GOLGA6L2: variants seen among roughly 807,000 people sequenced by gnomAD.
GOLGA6L2 encodes the protein golgin subfamily A member 6-like protein 2.
A neutral mutation model predicts 35.9 loss-of-function variants in GOLGA6L2; 30 were observed. The ratio of observed to expected loss-of-function variants is 0.83; its 90% CI spans 0.62 to 1.13. The LOEUF is 1.13. Among genes scored for constraint, GOLGA6L2 ranks in the 50% most tolerant of loss-of-function variants. The pLI, the probability that GOLGA6L2 is intolerant of heterozygous loss-of-function variation, is 0.00. For missense variants in GOLGA6L2, 821 were observed against 973.4 expected (o/e 0.84, Z 2.08); for synonymous variants, 297 against 344.0 (o/e 0.86, Z 1.51).
Position 23,440,724 on chromosome 15 carries a change from C to T in GOLGA6L2, c.1751G>A (p.Arg584Gln), listed in dbSNP as rs762321417. 5.2e-5 allele frequency: 79 copies of T among 1,510,356 alleles called. No homozygotes were observed. Among genetic ancestry groups the T allele is most frequent in the Admixed American group, 2.7e-4 (13 of 48,926 alleles). 93.6% of individuals were successfully genotyped at this position (1,510,356 alleles called of 1,614,324 possible). A position where few individuals can be genotyped will look rare whatever the true frequency, so the allele number is the denominator to read the frequency against. Reference sequence around the variant, plus strand: ...CTCTCCTCCTTCTCCCGCAGCCTCTCGTCCTGCTCCCACATCCTCTCCTCC... The same window carrying T: ...CTCTCCTCCTTCTCCCGCAGCCTCTTGTCCTGCTCCCACATCCTCTCCTCC... Reference protein sequence around the residue: ...GPGGEDVGAGREAAGEGGENA... With the variant: ...GPGGEDVGAGQEAAGEGGENA... Residue 584 changes from arginine (R) to glutamine (Q), a missense_variant, in exon 8 of 8, where the codon CGA becomes CAA. Around this residue, in one of 7 missense-constraint regions of GOLGA6L2, gnomAD observed 99 missense variants for 199.9 expected, o/e 0.50. Coordinates refer to ENST00000567107, the MANE Select transcript of GOLGA6L2 (RefSeq NM_001304388.2).
At position 23,444,258 on chromosome 15, in the gene GOLGA6L2, T is replaced by A. The variant is rs767031200; in HGVS notation, c.244-46A>T. The A allele has an allele frequency of 1.0e-5, 16 of 1,587,366 alleles. 1 individual carries two copies. The African/African-American group carries it at 1.3e-4, about 13-fold the overall frequency. On this transcript the variant is annotated intron_variant, in intron 3 of 7. Coordinates refer to ENST00000567107, the MANE Select transcript of GOLGA6L2 (RefSeq NM_001304388.2). ...AGCTCTTACTAGGGGGAGGCAGAGA[T>A]CCACAGCAAGAGACATGCCCCCAGA...
intron 5 of GOLGA6L2, 110 bp downstream of exon 5, chr15:23,443,667 C>T: frequency 1.1e-6 from 1 of 906,878 alleles, no homozygotes; most frequent in Non-Finnish European, 1.7e-6. Context: ...AAGAAATGAC[C>T]CATACTATCT....
In GOLGA6L2 at chr15:23,443,897, G is replaced by A; in HGVS notation, c.471C>T (p.Thr157=). Residue 157 remains threonine (T), a synonymous_variant, in exon 5 of 8, where the codon ACC becomes ACT. Coordinates refer to ENST00000567107, the MANE Select transcript of GOLGA6L2 (RefSeq NM_001304388.2). ...CCTTGGACTCTCCTGGAATGAGAGA[G>A]GTTGAGACACAGCCCAAAGGACTCC... The part of the protein sequence containing the change: ...FRGSPLGCVS[T]SLIPGESKDL... 1 of 1,544,208 alleles carries A rather than the reference G, an allele frequency of 6.5e-7. No homozygotes were observed. Among genetic ancestry groups the A allele is most frequent in the Non-Finnish European group, 8.7e-7 (1 of 1,151,320 alleles).
chr15:23,439,459 T>TTTTTTTAATTTTG lies in GOLGA6L2; in HGVS notation c.*285_*286insCAAAATTAAAAAA. The TTTTTTTAATTTTG allele has an allele frequency of 1.6e-6, 1 of 637,128 alleles. No individual in the cohort carries two copies. Among genetic ancestry groups the TTTTTTTAATTTTG allele is most frequent in the Non-Finnish European group, 2.3e-6 (1 of 427,624 alleles). The allele number at this position is 637,128 out of a possible 1,614,324, so 39.5% of individuals were successfully genotyped here. A position where few individuals can be genotyped will look rare whatever the true frequency, so the allele number is the denominator to read the frequency against. On this transcript the variant is annotated 3_prime_UTR_variant, in exon 8 of 8. Transcript: ENST00000567107. Reference sequence around the variant, plus strand: ...TAAATTTTCTTTTCTTTTTTTTTTTTTTTTTCAAGTTTGTGCTCAGACTAT... The same window carrying TTTTTTTAATTTTG: ...TAAATTTTCTTTTCTTTTTTTTTTTTTTTTTTAATTTTGTTTTTCAAGTTTGTGCTCAGACTAT...
At chr15:23,444,875 G>A (rs1190547320) in intron 2 of GOLGA6L2, among the ~76,000 whole-genome samples, 8 of 150,998 alleles carry the variant, frequency 5.3e-5, no homozygotes, top group African/African-American at 1.7e-4. Context: ...GATATAGGAC[G>A]GAAAAGGCAG....
At position 23,444,072 on chromosome 15, in the gene GOLGA6L2, G is replaced by A. The variant is rs1352711724; in HGVS notation, c.296C>T (p.Ala99Val). The change falls in exon 5 of 8, where the codon GCC becomes GTC. Residue 99 changes from alanine (A) to valine (V), a missense_variant and splice_region_variant. This residue lies in a region of GOLGA6L2 where 614 missense variants were observed against 632.3 expected (regional missense o/e 0.97). Transcript: ENST00000567107. ...HQEALRREIE[A>V]QDHTIRILTC... is the part of the protein sequence containing the mutation. ...GAGAATTCGTATTGTATGATCCTGG[G>A]CCTTTGGGAGAAAAGACAAGCAAGT... The A allele has an allele frequency of 5.1e-6, 8 of 1,568,960 alleles. No individual in the cohort carries two copies. The Admixed American group carries it at 1.3e-4, about 25-fold the overall frequency.
chr15:23,443,377 TACACACACAC>T (rs59048780), intron 5 of GOLGA6L2, among the ~76,000 whole-genome samples: 5 of 150,048 alleles, frequency 3.3e-5, no homozygotes, highest in African/African-American at 9.8e-5. Context: ...CCATAATACG[TACACACACAC>T]ACACACACAC....
At chr15:23,444,337 C>T in intron 3 of GOLGA6L2, 125 bp from the exon 4 acceptor site, 1 of 1,472,558 alleles carries the variant, frequency 6.8e-7, no homozygotes, top group Non-Finnish European at 9.4e-7. Context: ...TATCAGGGAC[C>T]CTGTGGGGAT....
intron 7 of GOLGA6L2, 95 bp from the exon 8 acceptor site, chr15:23,441,777 T>C (rs58446506): frequency 0.86 from 1,199,331 of 1,388,018 alleles, 518,628 homozygotes; most frequent in Admixed American, 0.89. Context: ...TTTTTAAGCC[T>C]TAACACTGAG....
rs913060210 is a variant in GOLGA6L2, at chr15:23,439,503, C to T, written c.*242G>A. The T allele has an allele frequency of 1.2e-4, 130 of 1,071,456 alleles. No individual in the cohort carries two copies. The highest frequency in any genetic ancestry group is 2.2e-4 in the East Asian group (8 of 35,582). The allele number at this position is 1,071,456 out of a possible 1,614,324, so 66.4% of individuals were successfully genotyped here. A position where few individuals can be genotyped will look rare whatever the true frequency, so the allele number is the denominator to read the frequency against. On this transcript the variant is annotated 3_prime_UTR_variant, in exon 8 of 8. Transcript: ENST00000567107. ...AGACTATATTCACACAGTGACATGG[C>T]GGCTTATGCTTCTGTAGGCCTTGTT...
chr15:23,443,386 A>T (rs1260030417), intron 5 of GOLGA6L2, among the ~76,000 whole-genome samples: 1 of 151,474 alleles, frequency 6.6e-6, no homozygotes, highest in African/African-American at 2.4e-5. Flanking sequence ...GTACACACAC[A>T]CACACACACA....
In GOLGA6L2 at chr15:23,440,696, A is replaced by G. The variant is rs530646031; in HGVS notation, c.1779T>C (p.Asn593=). The G allele has an allele frequency of 1.7e-3, 2,487 of 1,452,050 alleles. 2 individuals carry two copies. Among genetic ancestry groups the G allele is most frequent in the Non-Finnish European group, 1.3e-3 (1,422 of 1,084,638 alleles). The allele number at this position is 1,452,050 out of a possible 1,614,324, so 89.9% of individuals were successfully genotyped here. A position where few individuals can be genotyped will look rare whatever the true frequency, so the allele number is the denominator to read the frequency against. ...GREAAGEGGE[N]AGAEEDVAAG... ...CTGCCACATCTTCTTCTGCTCCCGC[A>G]TTCTCTCCTCCTTCTCCCGCAGCCT... Residue 593 remains asparagine, a synonymous_variant, in exon 8 of 8, where the codon AAT becomes AAC. Coordinates refer to ENST00000567107, the MANE Select transcript of GOLGA6L2 (RefSeq NM_001304388.2).
In GOLGA6L2 at chr15:23,441,595, TCTC is replaced by T. The variant is rs774071601; in HGVS notation, c.877_879del (p.Glu293del). On this transcript the variant is annotated inframe_deletion, in exon 8 of 8. Coordinates refer to ENST00000567107, the MANE Select transcript of GOLGA6L2 (RefSeq NM_001304388.2). ...AGTCTCTCCTCCTGTCTCCACATCT[TCTC>T]CTCCTGCTTCCGTATCTTCTTTTCC... The T allele has an allele frequency of 1.2e-5, 19 of 1,549,330 alleles. No individual in the cohort carries two copies. The highest frequency in any genetic ancestry group is 1.6e-5 in the Non-Finnish European group (18 of 1,146,826).
At position 23,443,967 on chromosome 15, in the gene GOLGA6L2, C is replaced by T; in HGVS notation, c.401G>A (p.Gly134Asp). The change falls in exon 5 of 8, where the codon GGC becomes GAC. Residue 134 changes from glycine to aspartate, a missense_variant. Around this residue, in one of 7 missense-constraint regions of GOLGA6L2, gnomAD observed 614 missense variants for 632.3 expected, o/e 0.97. Transcript: ENST00000567107. ...AARKFEDGNL[G>D]TPSSFNLALS... is the part of the protein sequence containing the mutation. ...TGCCAGGTTGAAGGATGATGGGGTG[C>T]CCAGGTTCCCATCTTCAAATTTCCT... is the stretch of plus-strand genomic sequence containing the variant. 2 of 1,561,548 alleles carry T rather than the reference C, an allele frequency of 1.3e-6. No homozygotes were observed. Among genetic ancestry groups the T allele is most frequent in the Non-Finnish European group, 1.7e-6 (2 of 1,160,290 alleles).
chr15:23,444,245 G>A (rs775276131), intron 3 of GOLGA6L2, 33 bp from the exon 4 acceptor site: 2 of 1,598,524 alleles, frequency 1.3e-6, no homozygotes, highest in South Asian at 1.1e-5. Context: ...CTCTTACTAG[G>A]GGGAGGCAGA....
At chr15:23,444,118 A>T in intron 4 of GOLGA6L2, 44 bp downstream of exon 4, 3 of 1,595,986 alleles carry the variant, frequency 1.9e-6, no homozygotes, top group Non-Finnish European at 2.6e-6. Flanking sequence ...AAGCAAAAAA[A>T]CCTTCTCCAG....
chr15:23,444,261 A>T, intron 3 of GOLGA6L2, 49 bp from the exon 4 acceptor site: 3 of 1,577,446 alleles, frequency 1.9e-6, no homozygotes, highest in Non-Finnish European at 2.6e-6. Flanking sequence ...GCAGAGATCC[A>T]CAGCAAGAGA....
rs1183448718 is a variant in GOLGA6L2, at chr15:23,439,090, T to C, written c.*655A>G. 6.6e-6 allele frequency among the ~76,000 whole-genome samples: 1 copy of C among 150,454 alleles called. No homozygotes were observed. Among genetic ancestry groups the C allele is most frequent in the African/African-American group, 2.4e-5 (1 of 40,990 alleles). ...TGCCATAAAACAAAACAAGACTAAA[T>C]GAGAAAGACCAAGAAGAAAAACAAT... On this transcript the variant is annotated 3_prime_UTR_variant, in exon 8 of 8. Transcript: ENST00000567107.
In GOLGA6L2 at chr15:23,446,987, G is replaced by T. The variant is rs140042216; in HGVS notation, c.84+111C>A. 2,298 of 601,018 alleles carry T rather than the reference G, an allele frequency of 3.8e-3. 37 individuals are homozygous for T. The highest frequency in any genetic ancestry group is 0.036 in the African/African-American group (1,892 of 52,590). The allele number at this position is 601,018 out of a possible 1,614,324, so 37.2% of individuals were successfully genotyped here. ...GGGGGAGCCCAGCGGCACTGGGGGG[G>T]ACCCAGCCCAGTGTGCCTCTGGAAT... On this transcript the variant is annotated intron_variant, in intron 1 of 7. Transcript: ENST00000567107.
Sources: allele counts gnomAD v4.1 joint callset (sites outside exome capture counted in the v4.1 genomes callset), GRCh38; gene constraint gnomAD v4.1.1; regional missense constraint gnomAD v4.1.1; transcripts MANE v1.5; gene names NCBI Gene and HGNC (gene_info 2026-07-23, HGNC 2026-07-21).